Variants in ROCK2 observed in about 807,000 individuals in gnomAD.
The protein encoded by ROCK2 is rho-associated protein kinase 2.
ROCK2 carries 61 observed loss-of-function variants against 195.1 expected under a neutral mutation model. The ratio of observed to expected loss-of-function variants is 0.31; its 90% CI spans 0.25 to 0.39. The LOEUF is 0.39. Among genes scored for constraint, ROCK2 ranks in the 10% least tolerant of loss-of-function variants. ROCK2 has a pLI of 1.00. For synonymous variants in ROCK2, 504 were observed against 545.5 expected (o/e 0.92, Z 1.06); for missense variants, 1,109 against 1,637.4 (o/e 0.68, Z 5.57).
intron 3 of ROCK2, among the ~76,000 whole-genome samples, chr2:11,254,994 G>A (rs926810967): frequency 1.3e-5 from 2 of 151,950 alleles, no homozygotes; most frequent in Non-Finnish European, 2.9e-5. Flanking sequence ...GAGGCGGGCA[G>A]ATCATGAGGT....
Position 11,180,550 on chromosome 2 carries a change from T to C in ROCK2, c.*2887A>G, listed in dbSNP as rs2148011765. ...CACTGTACATTAATTTCAACAGTAA[T>C]ACCGGCACCAGTTTTCCTTTCACTT... On this transcript the variant is annotated 3_prime_UTR_variant, in exon 33 of 33. Transcript: ENST00000315872. The C allele has an allele frequency of 6.6e-6, 1 of 152,318 alleles. No individual in the cohort carries two copies. Among genetic ancestry groups the C allele is most frequent in the East Asian group, 1.9e-4 (1 of 5,188 alleles). The allele number at this position is 152,318 out of a possible 1,614,324, so 9.4% of individuals were successfully genotyped here.
At chr2:11,194,227 T>C in intron 29 of ROCK2, 29 bp downstream of exon 29, 1 of 989,768 alleles carries the variant, frequency 1.0e-6, no homozygotes, top group Non-Finnish European at 1.5e-6. Flanking sequence ...AAAGATATAG[T>C]TTCTAAATAT....
intron 1 of ROCK2, among the ~76,000 whole-genome samples, chr2:11,341,563 GGT>G (rs1431381204): frequency 2.0e-5 from 3 of 151,988 alleles, no homozygotes; most frequent in Admixed American, 6.5e-5. Context: ...AATCATTTCT[GGT>G]GTACTTCATC....
chr2:11,320,179 C>A (rs1194245790), intron 1 of ROCK2, among the ~76,000 whole-genome samples: 1 of 152,192 alleles, frequency 6.6e-6, no homozygotes, highest in Non-Finnish European at 1.5e-5. Context: ...TCAACTTACT[C>A]ATGTGGCTAA....
chr2:11,272,794 C>T (rs764641418), intron 3 of ROCK2, among the ~76,000 whole-genome samples: 6 of 146,992 alleles, frequency 4.1e-5, no homozygotes, highest in Non-Finnish European at 5.9e-5. Flanking sequence ...CACTTGAACA[C>T]GGGAGACAGA....
chr2:11,320,050 G>A (rs968359621), intron 1 of ROCK2, among the ~76,000 whole-genome samples: 1 of 151,998 alleles, frequency 6.6e-6, no homozygotes, highest in Admixed American at 6.6e-5. Flanking sequence ...AATGACATGG[G>A]ATAGCAAGCA....
intron 23 of ROCK2, among the ~76,000 whole-genome samples, chr2:11,198,988 C>T (rs1422921051): frequency 6.6e-6 from 1 of 151,742 alleles, no homozygotes; most frequent in Admixed American, 6.6e-5. Context: ...GCAACCTCCG[C>T]CTCCTGGGTT....
intron 20 of ROCK2, 121 bp from the exon 21 acceptor site, chr2:11,202,242 G>T: frequency 1.3e-6 from 1 of 790,014 alleles, no homozygotes; most frequent in Non-Finnish European, 2.2e-6. Flanking sequence ...AACCCATAAG[G>T]TCAAATCATT....
intron 1 of ROCK2, among the ~76,000 whole-genome samples, chr2:11,335,657 T>A (rs1438476613): frequency 6.6e-6 from 1 of 152,120 alleles, no homozygotes; most frequent in African/African-American, 2.4e-5. Context: ...ACTCTCCAAA[T>A]AGAAAGTATA....
intron 18 of ROCK2, 141 bp from the exon 19 acceptor site, chr2:11,208,588 CTTTTTTTCTTTTCTTTTTTT>C (rs1664138615): frequency 2.4e-6 from 1 of 413,044 alleles, no homozygotes; most frequent in African/African-American, 2.1e-5. Context: ...TATTAATTTT[CTTTTTTTCTTTTCTTTTTTT>C]TTTTTTTGAG....
chr2:11,228,936 T>G (rs991693047), intron 5 of ROCK2, among the ~76,000 whole-genome samples: 9 of 151,912 alleles, frequency 5.9e-5, no homozygotes, highest in African/African-American at 2.2e-4. Flanking sequence ...TATGACAGGT[T>G]AGATAGAAAA....
At chr2:11,308,709 T>C in intron 1 of ROCK2, 1 of 1,607,020 alleles carries the variant, frequency 6.2e-7, no homozygotes, top group Non-Finnish European at 8.5e-7. Flanking sequence ...CAGAAGCATG[T>C]TGAAAAATTA....
chr2:11,197,074 A>G lies in ROCK2; in HGVS notation c.3448+106T>C. Reference sequence around the variant, plus strand: ...TACTCCAAGGAGTAGGTTTTCCCTTAAAGAAATTACAAACATTTTTCCTTC... The same window carrying G: ...TACTCCAAGGAGTAGGTTTTCCCTTGAAGAAATTACAAACATTTTTCCTTC... On this transcript the variant is annotated intron_variant, in intron 27 of 32. Transcript: ENST00000315872. The surrounding 1 kb of genome is among the most constrained non-coding windows in gnomAD (Gnocchi z 4.9). The G allele has an allele frequency of 1.0e-5, 7 of 674,538 alleles. No individual in the cohort carries two copies. The highest frequency in any genetic ancestry group is 1.4e-5 in the Non-Finnish European group (6 of 438,806). The allele number at this position is 674,538 out of a possible 1,614,324, so 41.8% of individuals were successfully genotyped here. A position where few individuals can be genotyped will look rare whatever the true frequency, so the allele number is the denominator to read the frequency against.
rs774911203 is a variant in ROCK2 at position 11,211,637 on chromosome 2, C to T, written c.2203+44G>A. On this transcript the variant is annotated intron_variant, in intron 18 of 32. Coordinates refer to ENST00000315872, the MANE Select transcript of ROCK2 (RefSeq NM_004850.5). The stretch of plus-strand genomic sequence containing the variant: ...CCAAAAAGCTAACACAGAATCAATT[C>T]TTAGGAAGACGCTGCTGGAAAACCC... The T allele has an allele frequency of 2.8e-5, 43 of 1,510,158 alleles. No homozygotes were observed. In the African/African-American group the frequency reaches 5.9e-4, roughly 21 times the overall value. 93.5% of individuals were successfully genotyped at this position (1,510,158 alleles called of 1,614,324 possible).
chr2:11,275,760 T>C (rs1270765498), intron 3 of ROCK2, among the ~76,000 whole-genome samples: 2 of 146,058 alleles, frequency 1.4e-5, no homozygotes, highest in African/African-American at 2.6e-5. Flanking sequence ...AGTACAGTGG[T>C]GCAATCTCAG....
chr2:11,335,138 C>G (rs1668889367), intron 1 of ROCK2, among the ~76,000 whole-genome samples: 1 of 151,556 alleles, frequency 6.6e-6, no homozygotes, highest in African/African-American at 2.4e-5. Flanking sequence ...CACACACACA[C>G]ACACACACAC....
At chr2:11,309,634 T>A (rs151240878) in intron 1 of ROCK2, among the ~76,000 whole-genome samples, 1 of 152,176 alleles carries the variant, frequency 6.6e-6, no homozygotes, top group Non-Finnish European at 1.5e-5. Flanking sequence ...AAAATGAGTA[T>A]ATGAAATATA....
chr2:11,261,455 C>G (rs1016893221), intron 3 of ROCK2, among the ~76,000 whole-genome samples: 6 of 152,180 alleles, frequency 3.9e-5, no homozygotes, highest in Admixed American at 3.9e-4. Context: ...TTATTCAATA[C>G]AGATGGACAC....
At chr2:11,196,794 T>A (rs887217725) in intron 27 of ROCK2, among the ~76,000 whole-genome samples, 1 of 152,082 alleles carries the variant, frequency 6.6e-6, no homozygotes, top group Non-Finnish European at 1.5e-5. Flanking sequence ...AGTGGCAATA[T>A]TGAGAGAAGT....
Sources: allele counts gnomAD v4.1 joint callset (sites outside exome capture counted in the v4.1 genomes callset), GRCh38; gene constraint gnomAD v4.1.1; non-coding constraint Gnocchi (gnomAD v3.1); transcripts MANE v1.5; gene names NCBI Gene and HGNC (gene_info 2026-07-23, HGNC 2026-07-21).